The following CHSY1 variants were observed in gnomAD, a reference collection of about 807,000 sequenced individuals.
The protein encoded by CHSY1 is chondroitin sulfate synthase 1.
CHSY1 carries 13 observed loss-of-function variants against 59.8 expected under a neutral mutation model. That is an observed-to-expected ratio of 0.22 (90% CI 0.14 to 0.35). The LOEUF (loss-of-function observed/expected upper bound fraction) is 0.35, where lower values mean the gene tolerates loss of function less well. Ranked by LOEUF, CHSY1 falls within the 10% of genes least tolerant of loss-of-function variation. The probability of loss-of-function intolerance (pLI) is 1.00; values close to 1 mark genes in which losing one functional copy is unlikely to be tolerated. For missense variants in CHSY1, 947 were observed against 1,030.6 expected (o/e 0.92, Z 1.11); for synonymous variants, 459 against 401.2 (o/e 1.14, Z -1.72).
chr15:101,230,653 A>C (rs1398446350), intron 2 of CHSY1, among the ~76,000 whole-genome samples: 1 of 152,198 alleles, frequency 6.6e-6, no homozygotes, highest in Non-Finnish European at 1.5e-5. Flanking sequence ...ACAGACTAAC[A>C]AGGAAGATTT....
Position 101,177,988 on chromosome 15 carries a change from A to C in CHSY1, c.1809T>G (p.Pro603=). 6.2e-7 allele frequency: 1 copy of C among 1,614,232 alleles called. No individual in the cohort carries two copies. Among genetic ancestry groups the C allele is most frequent in the African/African-American group, 1.3e-5 (1 of 75,058 alleles). Residue 603 remains proline, a synonymous_variant, in exon 3 of 3, where the codon CCT becomes CCG. Transcript: ENST00000254190. ...KYPKADMQIL[P]VSGEFSRALA... Reference sequence around the variant, plus strand: ...GGGCTCTTGAAAACTCTCCAGACACAGGCAAAATCTGCATGTCGGCTTTAG... The same window carrying C: ...GGGCTCTTGAAAACTCTCCAGACACCGGCAAAATCTGCATGTCGGCTTTAG...
At chr15:101,225,481 G>A (rs558282042) in intron 2 of CHSY1, among the ~76,000 whole-genome samples, 1 of 152,190 alleles carries the variant, frequency 6.6e-6, no homozygotes, top group Middle Eastern at 3.2e-3. Context: ...CTCCAGTGTT[G>A]GAGGTGGGTC....
intron 2 of CHSY1, among the ~76,000 whole-genome samples, chr15:101,233,218 T>G (rs1297890194): frequency 6.6e-6 from 1 of 152,192 alleles, no homozygotes; most frequent in Non-Finnish European, 1.5e-5. Context: ...AGCCCCAGGA[T>G]GACACTTTCT....
chr15:101,203,652 C>T (rs967920419), intron 2 of CHSY1, among the ~76,000 whole-genome samples: 1 of 152,174 alleles, frequency 6.6e-6, no homozygotes, highest in African/African-American at 2.4e-5. Flanking sequence ...AGAGGAGAAT[C>T]GTGGCAAGAG....
At chr15:101,211,095 GGGTGGAT>G (rs1201907597) in intron 2 of CHSY1, among the ~76,000 whole-genome samples, 1 of 152,186 alleles carries the variant, frequency 6.6e-6, no homozygotes, top group Non-Finnish European at 1.5e-5. Flanking sequence ...AGGCTGAGGA[GGGTGGAT>G]CACCTGAGGT....
intron 1 of CHSY1, among the ~76,000 whole-genome samples, chr15:101,244,808 C>T (rs2039035506): frequency 6.6e-6 from 1 of 152,212 alleles, no homozygotes; most frequent in Non-Finnish European, 1.5e-5. Context: ...GTTAGAGATG[C>T]AGACCACAGT....
intron 2 of CHSY1, among the ~76,000 whole-genome samples, chr15:101,228,796 A>AT (rs2038865542): frequency 6.6e-6 from 1 of 152,242 alleles, no homozygotes; most frequent in Non-Finnish European, 1.5e-5. Context: ...AAGAAGCCCC[A>AT]TAAGGGTAAC....
At chr15:101,201,830 C>A (rs1226451166) in intron 2 of CHSY1, among the ~76,000 whole-genome samples, 3 of 152,190 alleles carry the variant, frequency 2.0e-5, no homozygotes, top group African/African-American at 7.2e-5. Context: ...CTTTCCTGAA[C>A]TGTGTTCAAA....
intron 1 of CHSY1, among the ~76,000 whole-genome samples, chr15:101,237,530 G>A (rs2038958481): frequency 6.6e-6 from 1 of 152,218 alleles, no homozygotes; most frequent in Non-Finnish European, 1.5e-5. Flanking sequence ...ACCACATAAA[G>A]GGTTTAAGAG....
At chr15:101,226,875 C>A (rs139546824) in intron 2 of CHSY1, among the ~76,000 whole-genome samples, 12 of 152,354 alleles carry the variant, frequency 7.9e-5, no homozygotes, top group Non-Finnish European at 1.3e-4. Context: ...CGACACTCAG[C>A]GTAATTCATC....
rs1019632287 is a variant in CHSY1 at position 101,235,561 on chromosome 15, T to C, written c.337A>G (p.Ile113Val). The change falls in exon 2 of 3, where the codon ATT (isoleucine) becomes GTT (valine). Residue 113 changes from isoleucine (I) to valine (V), a missense_variant. Transcript: ENST00000254190. Reference sequence around the variant, plus strand: ...GAGAAGAACTGAACTTTCCCAGGAATTGTCTTGGACCATGTTCTGGAATTA... The same window carrying C: ...GAGAAGAACTGAACTTTCCCAGGAACTGTCTTGGACCATGTTCTGGAATTA... ...VAAYRTWSKT[I>V]PGKVQFFSSE... is the part of the protein sequence containing the mutation. 17 of 1,610,612 alleles carry C rather than the reference T, an allele frequency of 1.1e-5. No homozygotes were observed. Among genetic ancestry groups the C allele is most frequent in the Non-Finnish European group, 1.4e-5 (16 of 1,179,968 alleles).
At chr15:101,196,999 T>C (rs1302720383) in intron 2 of CHSY1, among the ~76,000 whole-genome samples, 1 of 152,254 alleles carries the variant, frequency 6.6e-6, no homozygotes, top group East Asian at 1.9e-4. Context: ...CTTTTATTCT[T>C]TGTTTACCTA....
chr15:101,238,408 A>G (rs527799962), intron 1 of CHSY1, among the ~76,000 whole-genome samples: 1 of 152,348 alleles, frequency 6.6e-6, no homozygotes, highest in African/African-American at 2.4e-5. Context: ...CTTCGAATGT[A>G]TCTCTTTCAA....
chr15:101,228,264 G>A (rs1415266082), intron 2 of CHSY1, among the ~76,000 whole-genome samples: 1 of 152,026 alleles, frequency 6.6e-6, no homozygotes, highest in Non-Finnish European at 1.5e-5. Context: ...AACACAGCAT[G>A]ACGGGCATTC....
intron 1 of CHSY1, among the ~76,000 whole-genome samples, chr15:101,242,053 T>G (rs912697970): frequency 2.0e-5 from 3 of 152,236 alleles, no homozygotes. Context: ...ATTATTGTTA[T>G]TTTCTATTGT....
At chr15:101,184,015 CT>C (rs953918958) in intron 2 of CHSY1, among the ~76,000 whole-genome samples, 1 of 152,078 alleles carries the variant, frequency 6.6e-6, no homozygotes, top group African/African-American at 2.4e-5. Flanking sequence ...TAGTGGTCAC[CT>C]TTTTTTTACT....
intron 2 of CHSY1, among the ~76,000 whole-genome samples, chr15:101,182,383 GC>G (rs1433898101): frequency 6.6e-6 from 1 of 152,208 alleles, no homozygotes; most frequent in African/African-American, 2.4e-5. Flanking sequence ...ATTTGCACCA[GC>G]TGAGCTCACC....
At chr15:101,201,548 T>C (rs1365021376) in intron 2 of CHSY1, among the ~76,000 whole-genome samples, 2 of 152,166 alleles carry the variant, frequency 1.3e-5, no homozygotes, top group Non-Finnish European at 2.9e-5. Flanking sequence ...CAGGGCTGCC[T>C]TTCCAGCAGG....
intron 2 of CHSY1, among the ~76,000 whole-genome samples, chr15:101,229,187 CA>C (rs2038869895): frequency 6.6e-6 from 1 of 152,108 alleles, no homozygotes; most frequent in Non-Finnish European, 1.5e-5. Context: ...CAGAAAACAG[CA>C]AAATGGCAGA....
Sources: allele counts gnomAD v4.1 joint callset (sites outside exome capture counted in the v4.1 genomes callset), GRCh38; gene constraint gnomAD v4.1.1; transcripts MANE v1.5; gene names NCBI Gene and HGNC (gene_info 2026-07-23, HGNC 2026-07-21).